Variants in ITIH6 observed in about 807,000 individuals in gnomAD.
ITIH6 encodes inter-alpha-trypsin inhibitor heavy chain family member 6.
ITIH6 carries 60 observed loss-of-function variants against 58.2 expected under a neutral mutation model. That is an observed-to-expected ratio of 1.03 (90% confidence interval 0.84 to 1.28). The LOEUF is 1.28. ITIH6 is among the 50% of genes most tolerant of loss of function. The pLI, the probability that ITIH6 is intolerant of heterozygous loss-of-function variation, is 0.00. For missense variants in ITIH6, 1,290 were observed against 1,021.1 expected, an observed-to-expected ratio of 1.26 and a Z score of -3.59; for synonymous variants, 493 against 417.4, an observed-to-expected ratio of 1.18 and a Z score of -2.21.
chrX:54,758,762 G>A lies in ITIH6; in HGVS notation c.1312C>T (p.Leu438=). 1 of 1,210,486 alleles carries A rather than the reference G, an allele frequency of 8.3e-7. No individual in the cohort carries two copies. The highest frequency in any genetic ancestry group is 1.1e-6 in the Non-Finnish European group (1 of 894,650). The change falls in exon 8 of 13, where the codon CTG becomes TTG. Residue 438 remains leucine, a synonymous_variant. Transcript: ENST00000218436. ...AFGDDADFTL[L]RRLSLENRGI... Reference sequence around the variant, plus strand: ...CGGTTTTCCAGGGACAGGCGGCGCAGCAGTGTAAAGTCAGCATCATCCCCA... The same window carrying A: ...CGGTTTTCCAGGGACAGGCGGCGCAACAGTGTAAAGTCAGCATCATCCCCA...
At position 54,751,351 on chromosome X, in the gene ITIH6, C is replaced by T. The variant is rs146825535; in HGVS notation, c.3382G>A (p.Ala1128Thr). Residue 1128 changes from alanine (A) to threonine (T), a missense_variant, in exon 12 of 13, where the codon GCA becomes ACA. Coordinates refer to ENST00000218436, the MANE Select transcript of ITIH6 (RefSeq NM_198510.3). ...GLHVSGKLLG[A>T]PPRPGHKDQT... ...TCCTTGTGGCCCGGCCTTGGTGGTGCGCCAAGCAGCTTCCCACTCACATGC... is the reference window on the plus strand; with the variant it reads ...TCCTTGTGGCCCGGCCTTGGTGGTGTGCCAAGCAGCTTCCCACTCACATGC... 1.7e-5 allele frequency: 21 copies of T among 1,209,791 alleles called. No homozygotes were observed. In the East Asian group the frequency reaches 2.1e-4, roughly 12 times the overall value.
intron 2 of ITIH6, among the ~76,000 whole-genome samples, chrX:54,795,437 G>C (rs755958350): frequency 1.9e-4 from 21 of 111,577 alleles, no homozygotes; most frequent in African/African-American, 5.9e-4. Flanking sequence ...TTTCCTGATA[G>C]GTGTGCAAAC....
intron 6 of ITIH6, among the ~76,000 whole-genome samples, chrX:54,771,424 G>A (rs182593387): frequency 4.5e-5 from 5 of 111,732 alleles, no homozygotes; most frequent in East Asian, 5.6e-4. Context: ...TTCTATGAAC[G>A]TATCTTCAAG....
chrX:54,771,576 GT>G (rs1928951693), intron 6 of ITIH6, among the ~76,000 whole-genome samples: 2 of 111,209 alleles, frequency 1.8e-5, no homozygotes, highest in South Asian at 3.8e-4. Context: ...ACATTACCAT[GT>G]GTTGTCCTTA....
At position 54,761,448 on chromosome X, in the gene ITIH6, C is replaced by A. The variant is rs755802220; in HGVS notation, c.904-1521G>T. Reference sequence around the variant, plus strand: ...CAGAAGCTCTTTAGTTTAATTAGATCCCATTTGTCAATTTTGGCTTTTGCT... The same window carrying A: ...CAGAAGCTCTTTAGTTTAATTAGATACCATTTGTCAATTTTGGCTTTTGCT... On this transcript the variant is annotated intron_variant, in intron 6 of 12. Coordinates refer to ENST00000218436, the MANE Select transcript of ITIH6 (RefSeq NM_198510.3). Among the ~76,000 whole-genome samples the A allele has an allele frequency of 3.5e-3, 384 of 110,878 alleles. 2 individuals are homozygous for A. The highest frequency in any genetic ancestry group is 0.012 in the African/African-American group (359 of 30,324).
In ITIH6 at chrX:54,758,990, C is replaced by T. The variant is rs1179173951; in HGVS notation, c.1084G>A (p.Val362Ile). The T allele has an allele frequency of 4.3e-5, 50 of 1,153,317 alleles. 1 individual carries two copies. Among genetic ancestry groups the T allele is most frequent in the South Asian group, 8.1e-5 (4 of 49,155 alleles). The change falls in exon 8 of 13, where the codon GTC becomes ATC. Residue 362 changes from valine (V) to isoleucine (I), a missense_variant. Val to Ile is a conservative substitution (Grantham distance 29). Coordinates refer to ENST00000218436, the MANE Select transcript of ITIH6 (RefSeq NM_198510.3). The stretch of plus-strand genomic sequence containing the variant: ...GCAGCTGCCAGCAGAGCTGAGTTGA[C>T]GTCTGTCCCTAATTGGGGAATAGAT... ...HCMEADGWTD[V>I]NSALLAAASV...
chrX:54,762,019 T>G (rs1042958404), intron 6 of ITIH6, among the ~76,000 whole-genome samples: 2 of 111,860 alleles, frequency 1.8e-5, no homozygotes, highest in Non-Finnish European at 3.8e-5. Flanking sequence ...ATCTGTAAAT[T>G]ACCTTGGGCA....
chrX:54,765,585 A>ATTTCT (rs1178970865), intron 6 of ITIH6, among the ~76,000 whole-genome samples: 1 of 91,136 alleles, frequency 1.1e-5, no homozygotes. Flanking sequence ...AAGCGGCATT[A>ATTTCT]TTTCTTTTCT....
At position 54,757,375 on chromosome X, in the gene ITIH6, C is replaced by G. The variant is rs1024792498; in HGVS notation, c.2699G>C (p.Ser900Thr). The G allele has an allele frequency of 1.7e-6, 2 of 1,209,334 alleles. No homozygotes were observed. The highest frequency in any genetic ancestry group is 3.5e-5 in the African/African-American group (2 of 57,485). ...GATTGTATTTGGGAATGTGCTTAGG[C>G]TCTCAGGAAGTGGGGGCCTTGGTCT... Reference protein sequence around the residue: ...PDRPRPPLPESLSTFPNTISS... With the variant: ...PDRPRPPLPETLSTFPNTISS... Residue 900 changes from serine to threonine, a missense_variant, in exon 8 of 13, where the codon AGC (serine) becomes ACC (threonine). Coordinates refer to ENST00000218436, the MANE Select transcript of ITIH6 (RefSeq NM_198510.3).
At chrX:54,765,923 G>T (rs1195958098) in intron 6 of ITIH6, among the ~76,000 whole-genome samples, 1 of 111,368 alleles carries the variant, frequency 9.0e-6, no homozygotes, top group Non-Finnish European at 1.9e-5. Context: ...TTCCAATTCT[G>T]TGAAGAAAGT....
At chrX:54,762,626 G>T (rs747520137) in intron 6 of ITIH6, among the ~76,000 whole-genome samples, 47 of 111,979 alleles carry the variant, frequency 4.2e-4, no homozygotes, top group South Asian at 7.5e-4. Flanking sequence ...TCTCTGGAAA[G>T]TTCTTCCTTA....
At chrX:54,793,804 G>A (rs1051195872) in intron 2 of ITIH6, among the ~76,000 whole-genome samples, 1 of 111,013 alleles carries the variant, frequency 9.0e-6, no homozygotes, top group African/African-American at 3.3e-5. Context: ...GAGAATAGGG[G>A]GCTTTGAACA....
intron 6 of ITIH6, among the ~76,000 whole-genome samples, chrX:54,761,669 T>C (rs1369783514): frequency 9.0e-6 from 1 of 111,299 alleles, no homozygotes; most frequent in Middle Eastern, 4.2e-3. Flanking sequence ...TAGCCAGTTT[T>C]CCCAGCACCA....
intron 5 of ITIH6, among the ~76,000 whole-genome samples, chrX:54,786,072 T>C (rs765888517): frequency 1.2e-4 from 14 of 112,147 alleles, no homozygotes; most frequent in Non-Finnish European, 2.6e-4. Flanking sequence ...TGATGCATCC[T>C]GCCCAAGCAG....
Position 54,796,926 on chromosome X carries a change from T to C in ITIH6, c.257+16A>G. The C allele has an allele frequency of 1.7e-6, 2 of 1,204,169 alleles. No individual in the cohort carries two copies. The highest frequency in any genetic ancestry group is 2.2e-6 in the Non-Finnish European group (2 of 890,254). On this transcript the variant is annotated intron_variant, in intron 2 of 12. Coordinates refer to ENST00000218436, the MANE Select transcript of ITIH6 (RefSeq NM_198510.3). The stretch of plus-strand genomic sequence containing the variant: ...TGCACAAATGAATGAAGTGGTGACT[T>C]TGGAAGCAGACTTACATAGTGAAAT...
chrX:54,794,545 G>A (rs6612176), intron 2 of ITIH6, among the ~76,000 whole-genome samples: 10,547 of 109,825 alleles, frequency 0.096, 1,317 homozygotes, highest in African/African-American at 0.34. Flanking sequence ...TGCTTTCAGG[G>A]AGCCCTCCTT....
intron 6 of ITIH6, among the ~76,000 whole-genome samples, chrX:54,769,612 C>T (rs1277335545): frequency 1.9e-5 from 2 of 103,485 alleles, no homozygotes; most frequent in Non-Finnish European, 3.9e-5. Context: ...GGACCCTCAG[C>T]TGCAGGTCTG....
chrX:54,765,819 GT>G (rs2147607408), intron 6 of ITIH6, among the ~76,000 whole-genome samples: 1 of 109,597 alleles, frequency 9.1e-6, no homozygotes, highest in African/African-American at 3.3e-5. Flanking sequence ...TTGAAGTCAG[GT>G]AGTGTGATGC....
chrX:54,751,531 T>C, intron 11 of ITIH6, 151 bp from the exon 12 acceptor site: 4 of 645,427 alleles, frequency 6.2e-6, no homozygotes, highest in Non-Finnish European at 9.3e-6. Flanking sequence ...ACCTGGCTGC[T>C]CCTTCCTGAG....
Sources: gnomAD v4.1 joint callset for allele counts (sites outside exome capture counted in the v4.1 genomes callset) on GRCh38, gnomAD v4.1.1 for gene constraint, MANE v1.5 for transcripts, NCBI Gene and HGNC (gene_info 2026-07-23, HGNC 2026-07-21) for gene names.